Variants in CNKSR2 observed in about 807,000 individuals in gnomAD.
CNKSR2 encodes connector enhancer of kinase suppressor of Ras 2, also known as CNK homolog protein 2.
Under a neutral mutation model 84.4 loss-of-function variants are expected in CNKSR2, and 14 were observed. The observed-to-expected ratio is 0.17, with a 90% CI of 0.11 to 0.26. The LOEUF is 0.26. Among genes scored for constraint, CNKSR2 ranks in the 10% least tolerant of loss-of-function variants. CNKSR2 has a pLI of 1.00. For missense variants in CNKSR2, 485 were observed against 771.2 expected (o/e 0.63, Z 4.40); for synonymous variants, 275 against 277.9 (o/e 0.99, Z 0.10).
chrX:21,449,453 A>G (rs1038461416), intron 4 of CNKSR2, among the ~76,000 whole-genome samples: 2 of 110,821 alleles, frequency 1.8e-5, no homozygotes, highest in African/African-American at 3.3e-5. Context: ...AAATGAAGAG[A>G]TACAGCCTGG....
At chrX:21,631,786 T>C (rs888216454) in intron 20 of CNKSR2, among the ~76,000 whole-genome samples, 2 of 112,269 alleles carry the variant, frequency 1.8e-5, no homozygotes, top group African/African-American at 6.5e-5. Flanking sequence ...TCCTGCATCT[T>C]CTTTCAAGAT....
intron 15 of CNKSR2, chrX:21,592,244 T>C (rs1268705168): frequency 9.0e-6 from 1 of 111,518 alleles, no homozygotes; most frequent in Non-Finnish European, 1.9e-5. Context: ...GACTATCATA[T>C]GGATGAAATG....
intron 5 of CNKSR2, among the ~76,000 whole-genome samples, chrX:21,479,082 C>G (rs948030046): frequency 1.8e-5 from 2 of 111,433 alleles, no homozygotes; most frequent in Non-Finnish European, 3.8e-5. Flanking sequence ...TTCTAAGTCC[C>G]CAGTGTTTAT....
chrX:21,431,874 A>G (rs2090638264), intron 2 of CNKSR2, among the ~76,000 whole-genome samples: 1 of 112,060 alleles, frequency 8.9e-6, no homozygotes, highest in Non-Finnish European at 1.9e-5. Flanking sequence ...ATGTGAGAAC[A>G]AAGAAAAGAA....
rs17314160 is a variant in CNKSR2, at chrX:21,585,713, G to C, written c.1609-4859G>C. On this transcript the variant is annotated intron_variant, in intron 13 of 21. Transcript: ENST00000379510. ...TAGCTCAGTGAAGAAGTCCTGGCTA[G>C]TGGTATGAATTCTTAAGTTGCTAAA... Among the ~76,000 whole-genome samples, 226 of 111,549 alleles carry C rather than the reference G, an allele frequency of 2.0e-3. 1 individual carries two copies. The highest frequency in any genetic ancestry group is 4.6e-3 in the Middle Eastern group (1 of 217).
intron 11 of CNKSR2, among the ~76,000 whole-genome samples, chrX:21,552,054 A>G (rs1301143864): frequency 9.1e-6 from 1 of 109,393 alleles, no homozygotes; most frequent in African/African-American, 3.3e-5. Flanking sequence ...GCAGGAGACA[A>G]TACGTTTATC....
Position 21,652,431 on chromosome X carries a change from C to T in CNKSR2, c.3015C>T (p.Thr1005=), listed in dbSNP as rs1183820571. ...DLFLDICQNT[T]SNDPLSISSE... is the part of the protein sequence containing the mutation. ...TCTTGGATATCTGTCAAAATACCACCTCAAATGACCCACTGAGTATTTCTT... is the reference window on the plus strand; with the variant it reads ...TCTTGGATATCTGTCAAAATACCACTTCAAATGACCCACTGAGTATTTCTT... The change falls in exon 22 of 22, where the codon ACC becomes ACT. Residue 1005 remains threonine, a synonymous_variant. Coordinates refer to ENST00000379510, the MANE Select transcript of CNKSR2 (RefSeq NM_014927.5). 1.7e-6 allele frequency: 2 copies of T among 1,207,236 alleles called. No individual in the cohort carries two copies. The highest frequency in any genetic ancestry group is 2.2e-6 in the Non-Finnish European group (2 of 892,576).
chrX:21,488,300 A>G (rs2091406602), intron 5 of CNKSR2, among the ~76,000 whole-genome samples: 1 of 112,302 alleles, frequency 8.9e-6, no homozygotes, highest in Admixed American at 9.4e-5. Flanking sequence ...TTTTTTGGAT[A>G]GGAGCCATAT....
chrX:21,475,827 C>T (rs777776478), intron 5 of CNKSR2, among the ~76,000 whole-genome samples: 7 of 111,336 alleles, frequency 6.3e-5, no homozygotes, highest in South Asian at 3.8e-4. Flanking sequence ...AGAAGTGTCT[C>T]GGATTTCGGA....
intron 9 of CNKSR2, among the ~76,000 whole-genome samples, chrX:21,525,321 T>C (rs2091824579): frequency 9.0e-6 from 1 of 111,567 alleles, no homozygotes; most frequent in South Asian, 3.7e-4. Context: ...AACTGGACCC[T>C]ATTCCAAAAT....
At chrX:21,490,737 G>A in intron 6 of CNKSR2, 159 bp downstream of exon 6, 1 of 395,818 alleles carries the variant, frequency 2.5e-6, no homozygotes, top group Non-Finnish European at 3.9e-6. Flanking sequence ...AGTTTGTGAT[G>A]CATGATAAGA....
intron 11 of CNKSR2, among the ~76,000 whole-genome samples, chrX:21,545,316 G>A (rs1374200589): frequency 1.8e-5 from 2 of 112,041 alleles, no homozygotes; most frequent in East Asian, 2.8e-4. Flanking sequence ...GCAAAGCCAC[G>A]GTAGCCAGAC....
intron 1 of CNKSR2, among the ~76,000 whole-genome samples, chrX:21,390,593 A>G (rs1003383165): frequency 3.6e-5 from 4 of 111,347 alleles, no homozygotes; most frequent in African/African-American, 1.3e-4. Flanking sequence ...CCATGAGCCA[A>G]TCACCTCCCA....
intron 11 of CNKSR2, among the ~76,000 whole-genome samples, chrX:21,552,443 G>C (rs1416024945): frequency 9.0e-6 from 1 of 111,688 alleles, no homozygotes; most frequent in Non-Finnish European, 1.9e-5. Context: ...GCTTCCCAAT[G>C]GAACTAATGT....
At chrX:21,586,285 T>C (rs1385049791) in intron 13 of CNKSR2, among the ~76,000 whole-genome samples, 1 of 111,807 alleles carries the variant, frequency 8.9e-6, no homozygotes, top group Non-Finnish European at 1.9e-5. Context: ...AGGTTAAAGA[T>C]GCAGTTACTA....
At chrX:21,388,223 A>G in intron 1 of CNKSR2, among the ~76,000 whole-genome samples, 1 of 112,074 alleles carries the variant, frequency 8.9e-6, no homozygotes, top group East Asian at 2.8e-4. Context: ...TTTAATGAAC[A>G]TATCTGGATT....
At chrX:21,497,694 T>C (rs2091515145) in intron 6 of CNKSR2, 93 bp from the exon 7 acceptor site, 1 of 507,762 alleles carries the variant, frequency 2.0e-6, no homozygotes, top group Admixed American at 3.3e-5. Flanking sequence ...AGTTTTAATT[T>C]GATAGAGTAA....
intron 1 of CNKSR2, among the ~76,000 whole-genome samples, chrX:21,406,045 T>A (rs2090258691): frequency 9.0e-6 from 1 of 110,725 alleles, no homozygotes; most frequent in Non-Finnish European, 1.9e-5. Flanking sequence ...TATGAAACTG[T>A]ACTGGTTCAT....
In CNKSR2 at chrX:21,455,403, G is replaced by C. The variant is rs189169224; in HGVS notation, c.519+14622G>C. 1.5e-3 allele frequency among the ~76,000 whole-genome samples: 166 copies of C among 111,783 alleles called. 1 individual carries two copies. Among genetic ancestry groups the C allele is most frequent in the African/African-American group, 4.6e-3 (141 of 30,898 alleles). The stretch of plus-strand genomic sequence containing the variant: ...GACATTTTTGCATAAAGCTTCTACA[G>C]AGTCTTCTTTCTATGGTTTCAGTAT... On this transcript the variant is annotated intron_variant, in intron 4 of 21. Coordinates refer to ENST00000379510, the MANE Select transcript of CNKSR2 (RefSeq NM_014927.5).
Sources: gnomAD v4.1 joint callset for allele counts (sites outside exome capture counted in the v4.1 genomes callset) on GRCh38, gnomAD v4.1.1 for gene constraint, MANE v1.5 for transcripts, NCBI Gene and HGNC (gene_info 2026-07-23, HGNC 2026-07-21) for gene names.